CDK14: variants seen among roughly 807,000 people sequenced by gnomAD.
CDK14 encodes cyclin dependent kinase 14, also known as cyclin-dependent kinase 14.
A neutral mutation model predicts 60.7 loss-of-function variants in CDK14; 34 were observed. The observed-to-expected ratio is 0.56, with a 90% CI of 0.43 to 0.75. The LOEUF is 0.75. Ranked by LOEUF, CDK14 falls within the 30% of genes least tolerant of loss-of-function variation. The pLI is 0.00. For missense variants in CDK14, 482 were observed against 564.1 expected (o/e 0.85, Z 1.47); for synonymous variants, 197 against 203.7 (o/e 0.97, Z 0.28).
chr7:91,101,614 G>C (rs1476898842), intron 12 of CDK14, among the ~76,000 whole-genome samples: 7 of 152,112 alleles, frequency 4.6e-5, no homozygotes, highest in Non-Finnish European at 2.9e-5. Context: ...AGTGAGAAAG[G>C]AAGTCCCAGT....
In CDK14 at chr7:90,628,685, C is replaced by T. The variant is rs182189197; in HGVS notation, c.123+24436C>T. Among the ~76,000 whole-genome samples, 1,050 of 151,988 alleles carry T rather than the reference C, an allele frequency of 6.9e-3. 6 individuals carry two copies. The highest frequency in any genetic ancestry group is 0.038 in the South Asian group (181 of 4,808). ...AAATATATATATATTTAAAAAACAACTTAGACAGGCATGGGGTTGCGTGCC... is the reference window on the plus strand; with the variant it reads ...AAATATATATATATTTAAAAAACAATTTAGACAGGCATGGGGTTGCGTGCC... On this transcript the variant is annotated intron_variant, in intron 2 of 14. Transcript: ENST00000380050.
chr7:91,205,112 A>G (rs1235829299), intron 14 of CDK14, among the ~76,000 whole-genome samples: 5 of 152,164 alleles, frequency 3.3e-5, no homozygotes, highest in Non-Finnish European at 5.9e-5. Flanking sequence ...TACAGCCATG[A>G]TGGAAAACAG....
intron 14 of CDK14, 80 bp from the exon 15 acceptor site, chr7:91,207,085 A>G (rs1214716017): frequency 6.6e-6 from 1 of 152,138 alleles, no homozygotes; most frequent in African/African-American, 2.4e-5. Flanking sequence ...GGACTGACCA[A>G]TTTTGATGTT....
intron 14 of CDK14, among the ~76,000 whole-genome samples, chr7:91,190,110 G>T (rs1389675391): frequency 6.6e-6 from 1 of 152,218 alleles, no homozygotes; most frequent in Non-Finnish European, 1.5e-5. Context: ...ACTAGGTTTT[G>T]TGCTTGCTGG....
chr7:91,019,034 G>A (rs1796373123), intron 10 of CDK14, among the ~76,000 whole-genome samples: 1 of 152,088 alleles, frequency 6.6e-6, no homozygotes, highest in South Asian at 2.1e-4. Context: ...ATTCTGGGGG[G>A]ACATAAACAT....
rs545311790 is a variant in CDK14, at chr7:91,183,463, C to T, written c.*29-23702C>T. 1.4e-4 allele frequency among the ~76,000 whole-genome samples: 22 copies of T among 152,358 alleles called. No individual in the cohort carries two copies. In the South Asian group the frequency reaches 2.5e-3, roughly 17 times the overall value. On this transcript the variant is annotated intron_variant, in intron 14 of 14. Coordinates refer to ENST00000380050, the MANE Select transcript of CDK14 (RefSeq NM_001287135.2). ...CTGCATTTCCTATCAGCTTCCAAGA[C>T]TGGCAGGTCTTTGCTTTTAACAGTC...
intron 14 of CDK14, among the ~76,000 whole-genome samples, chr7:91,131,762 G>A (rs1246559886): frequency 6.6e-6 from 1 of 152,106 alleles, no homozygotes; most frequent in Non-Finnish European, 1.5e-5. Context: ...AACAAAGCAA[G>A]TGTTAGCCCT....
intron 8 of CDK14, 99 bp downstream of exon 8, chr7:90,917,823 A>T: frequency 8.4e-7 from 1 of 1,194,204 alleles, no homozygotes; most frequent in Non-Finnish European, 1.2e-6. Flanking sequence ...TTCTATCATC[A>T]TAGATCCTGG....
intron 12 of CDK14, among the ~76,000 whole-genome samples, chr7:91,080,138 C>G (rs17163565): frequency 0.13 from 20,255 of 152,172 alleles, 2,792 homozygotes; most frequent in African/African-American, 0.35. Context: ...TGTCACATTT[C>G]AAGGTTTATG....
intron 2 of CDK14, among the ~76,000 whole-genome samples, chr7:90,674,204 C>T (rs1014770953): frequency 4.0e-5 from 6 of 151,892 alleles, no homozygotes; most frequent in Non-Finnish European, 5.9e-5. Context: ...TTATCTATAG[C>T]GAGAAAAAAA....
At chr7:90,854,418 C>T (rs532396182) in intron 5 of CDK14, among the ~76,000 whole-genome samples, 1 of 152,122 alleles carries the variant, frequency 6.6e-6, no homozygotes, top group Non-Finnish European at 1.5e-5. Flanking sequence ...CGGCAGGTGC[C>T]TGTGGTCCCA....
intron 3 of CDK14, among the ~76,000 whole-genome samples, chr7:90,740,266 TATATAGAG>T (rs1562746916): frequency 1.6e-5 from 2 of 122,276 alleles, no homozygotes; most frequent in Admixed American, 9.1e-5. Flanking sequence ...TATATATATA[TATATAGAG>T]AGAGAGAGAG....
chr7:91,199,697 C>A (rs1022071750), intron 14 of CDK14, among the ~76,000 whole-genome samples: 1 of 152,098 alleles, frequency 6.6e-6, no homozygotes, highest in Admixed American at 6.5e-5. Flanking sequence ...TACAGCTTTG[C>A]CTAAAATTTT....
At chr7:90,630,884 G>GTGTA (rs1163282308) in intron 2 of CDK14, among the ~76,000 whole-genome samples, 1 of 115,324 alleles carries the variant, frequency 8.7e-6, no homozygotes, top group African/African-American at 3.2e-5. Context: ...ATCTTGGGGT[G>GTGTA]TGTATGTGTG....
intron 2 of CDK14, among the ~76,000 whole-genome samples, chr7:90,614,609 A>AT (rs1799612254): frequency 6.6e-6 from 1 of 151,688 alleles, no homozygotes; most frequent in African/African-American, 2.4e-5. Context: ...TTTAAAATTA[A>AT]TTTTTTTAAA....
chr7:90,984,162 T>A lies in CDK14; in HGVS notation c.962T>A (p.Ile321Asn). Residue 321 changes from isoleucine (I) to asparagine (N), a missense_variant, in exon 10 of 15, where the codon ATC (isoleucine) becomes AAC (asparagine). Ile to Asn is a moderately radical substitution (Grantham distance 149). Coordinates refer to ENST00000380050, the MANE Select transcript of CDK14 (RefSeq NM_001287135.2). ...TCTCTCTCTAGGGGAGTAGGTTGCATCTTTGTTGAAATGATCCAAGGAGTT... is the reference window on the plus strand; with the variant it reads ...TCTCTCTCTAGGGGAGTAGGTTGCAACTTTGTTGAAATGATCCAAGGAGTT... ...TCLDMWGVGC[I>N]FVEMIQGVAA... is the part of the protein sequence containing the mutation. 2 of 1,609,392 alleles carry A rather than the reference T, an allele frequency of 1.2e-6. No individual in the cohort carries two copies. Among genetic ancestry groups the A allele is most frequent in the Non-Finnish European group, 1.7e-6 (2 of 1,175,744 alleles).
chr7:91,108,079 G>A (rs765102602), intron 12 of CDK14, among the ~76,000 whole-genome samples: 24 of 152,172 alleles, frequency 1.6e-4, no homozygotes, highest in Non-Finnish European at 3.1e-4. Context: ...AGGCTGAAGC[G>A]GGCGGATCAC....
chr7:90,655,644 C>G (rs4728917), intron 2 of CDK14, among the ~76,000 whole-genome samples: 46,454 of 152,068 alleles, frequency 0.31, 7,992 homozygotes, highest in East Asian at 0.67. Context: ...TACTCAACCA[C>G]TTTTATTTCA....
intron 14 of CDK14, among the ~76,000 whole-genome samples, chr7:91,152,223 G>T (rs181020877): frequency 1.3e-5 from 2 of 152,228 alleles, no homozygotes; most frequent in East Asian, 3.9e-4. Flanking sequence ...ATAGAGTGGG[G>T]AAGCATACCA....
Sources: gnomAD v4.1 joint callset for allele counts (sites outside exome capture counted in the v4.1 genomes callset) on GRCh38, gnomAD v4.1.1 for gene constraint, MANE v1.5 for transcripts, NCBI Gene and HGNC (gene_info 2026-07-23, HGNC 2026-07-21) for gene names.